The following GLIS3 variants were observed in gnomAD, a reference collection of about 807,000 sequenced individuals.
The protein encoded by GLIS3 is zinc finger protein GLIS3.
Under a neutral mutation model 78.6 loss-of-function variants are expected in GLIS3, and 53 were observed. The observed-to-expected ratio is 0.67, with a 90% confidence interval of 0.54 to 0.85. The LOEUF (loss-of-function observed/expected upper bound fraction) is 0.85. Among genes scored for constraint, GLIS3 ranks in the 40% least tolerant of loss-of-function variants. GLIS3 has a pLI of 0.00. For synonymous variants in GLIS3, 684 were observed against 509.9 expected, an observed-to-expected ratio of 1.34 and a Z score of -4.60; for missense variants, 1,703 against 1,231.1, an observed-to-expected ratio of 1.38 and a Z score of -5.74.
the GLIS3 span, among the ~76,000 whole-genome samples, chr9:4,481,339 C>G: frequency 6.6e-6 from 1 of 152,000 alleles, no homozygotes; most frequent in Non-Finnish European, 1.5e-5. Flanking sequence ...TAAAAATTAG[C>G]CGGGTATGGT....
chr9:4,469,251 T>C, the GLIS3 span, among the ~76,000 whole-genome samples: 251 of 152,048 alleles, frequency 1.7e-3, no homozygotes, highest in Non-Finnish European at 3.2e-3. Flanking sequence ...AACAAGGATA[T>C]CCAGGAATTG....
chr9:4,140,898 A>C lies in GLIS3; in HGVS notation c.389-14957T>G, dbSNP rs1046411781. Among the ~76,000 whole-genome samples the C allele has an allele frequency of 4.6e-5, 7 of 151,666 alleles. No individual in the cohort carries two copies. In the East Asian group the frequency reaches 9.7e-4, roughly 21 times the overall value. Reference sequence around the variant, plus strand: ...ACTGCAACCTCCGCCTCCTGGGTTCAAGCGATTCTCCTGCCTCAGCCTCCT... The same window carrying C: ...ACTGCAACCTCCGCCTCCTGGGTTCCAGCGATTCTCCTGCCTCAGCCTCCT... On this transcript the variant is annotated intron_variant, in intron 2 of 10. Transcript: ENST00000381971.
At chr9:4,083,596 G>C (rs1437586020) in intron 4 of GLIS3, among the ~76,000 whole-genome samples, 2 of 152,142 alleles carry the variant, frequency 1.3e-5, no homozygotes, top group African/African-American at 4.8e-5. Context: ...GAACTTTTTA[G>C]TTAAAATCGG....
At chr9:3,840,080 C>G (rs1012695322) in intron 9 of GLIS3, among the ~76,000 whole-genome samples, 3 of 152,052 alleles carry the variant, frequency 2.0e-5, no homozygotes, top group African/African-American at 7.2e-5. Context: ...GCGTCATTTT[C>G]TTTGAAATTT....
intron 6 of GLIS3, among the ~76,000 whole-genome samples, chr9:3,902,139 G>A (rs1823351659): frequency 6.6e-6 from 1 of 152,212 alleles, no homozygotes; most frequent in South Asian, 2.1e-4. Context: ...CCAACAGTGT[G>A]AGTCCATACA....
the GLIS3 span, among the ~76,000 whole-genome samples, chr9:4,386,158 G>A: frequency 6.6e-6 from 1 of 152,156 alleles, no homozygotes; most frequent in East Asian, 1.9e-4. Flanking sequence ...AAAAACAAGA[G>A]AGAGAGAATA....
chr9:4,089,848 A>C (rs1034240044), intron 4 of GLIS3, among the ~76,000 whole-genome samples: 6 of 152,198 alleles, frequency 3.9e-5, no homozygotes, highest in Admixed American at 3.3e-4. Flanking sequence ...AAAAAATTGA[A>C]TTCTCAGGTG....
rs1414753735 is a variant in GLIS3 at position 3,879,552 on chromosome 9, A to C, written c.2172T>G (p.Ala724=). ...GATGTGGGGGTGGTACGGCCCCAGCAGCTGTTCCACTTCGGCTTGAATAAT... is the reference window on the plus strand; with the variant it reads ...GATGTGGGGGTGGTACGGCCCCAGCCGCTGTTCCACTTCGGCTTGAATAAT... The part of the protein sequence containing the change: ...SSNYSSRSGT[A]AGAVPPPHPV... The change falls in exon 8 of 11, where the codon GCT becomes GCG. Residue 724 remains alanine, a synonymous_variant. Coordinates refer to ENST00000381971, the MANE Select transcript of GLIS3 (RefSeq NM_001042413.2). The C allele has an allele frequency of 1.9e-6, 3 of 1,614,136 alleles. No individual in the cohort carries two copies. Among genetic ancestry groups the C allele is most frequent in the Non-Finnish European group, 2.5e-6 (3 of 1,180,016 alleles).
Position 4,118,314 on chromosome 9 carries a change from C to T in GLIS3, c.1164G>A (p.Gly388=), listed in dbSNP as rs1586723209. The T allele has an allele frequency of 1.9e-6, 3 of 1,573,404 alleles. No individual in the cohort carries two copies. The highest frequency in any genetic ancestry group is 2.6e-6 in the Non-Finnish European group (3 of 1,162,160). The change falls in exon 4 of 11, where the codon GGG becomes GGA. Residue 388 remains glycine (G), a synonymous_variant. Transcript: ENST00000381971. The surrounding 1 kb of genome is among the most constrained non-coding windows in gnomAD (Gnocchi z 4.7). ...GLALPAYGED[G]ALEHERMQQL... Reference sequence around the variant, plus strand: ...GTTGCATGCGCTCGTGCTCCAGGGCCCCGTCCTCGCCGTAGGCCGGCAGCG... The same window carrying T: ...GTTGCATGCGCTCGTGCTCCAGGGCTCCGTCCTCGCCGTAGGCCGGCAGCG...
chr9:4,042,257 C>T (rs1329190793), intron 4 of GLIS3, among the ~76,000 whole-genome samples: 3 of 152,076 alleles, frequency 2.0e-5, no homozygotes, highest in Non-Finnish European at 4.4e-5. Flanking sequence ...AGCCTTGATT[C>T]TTCATTTGCA....
At chr9:4,367,633 C>CCAA in the GLIS3 span, among the ~76,000 whole-genome samples, 1 of 62,014 alleles carries the variant, frequency 1.6e-5, no homozygotes, top group Non-Finnish European at 3.1e-5. Flanking sequence ...GACTCCATCT[C>CCAA]AAAAAAAAAA....
At chr9:4,388,474 C>A in the GLIS3 span, among the ~76,000 whole-genome samples, 3 of 151,728 alleles carry the variant, frequency 2.0e-5, no homozygotes, top group Non-Finnish European at 2.9e-5. Flanking sequence ...GTCAGGAGTT[C>A]GAGAGCATCC....
chr9:4,004,442 C>A (rs557641308), intron 4 of GLIS3, among the ~76,000 whole-genome samples: 1 of 152,064 alleles, frequency 6.6e-6, no homozygotes, highest in Admixed American at 6.6e-5. Flanking sequence ...GGCTGGGGAA[C>A]GAGTTAACAG....
At chr9:4,216,386 TGGCGTGAGCTTGCAGTGAGAAA>T (rs1401211587) in intron 2 of GLIS3, among the ~76,000 whole-genome samples, 2 of 149,692 alleles carry the variant, frequency 1.3e-5, no homozygotes, top group African/African-American at 4.9e-5. Context: ...GGCAGGAGAA[TGGCGTGAGCTTGCAGTGAGAAA>T]GGCGGAGCTT....
intron 2 of GLIS3, among the ~76,000 whole-genome samples, chr9:4,168,522 AAAGC>A (rs1371498474): frequency 6.6e-6 from 1 of 152,214 alleles, no homozygotes; most frequent in Non-Finnish European, 1.5e-5. Context: ...AATTGTGATA[AAAGC>A]AAGTGGTTTA....
At chr9:4,438,225 C>A in the GLIS3 span, among the ~76,000 whole-genome samples, 1 of 152,160 alleles carries the variant, frequency 6.6e-6, no homozygotes, top group South Asian at 2.1e-4. Context: ...AATAATGAGG[C>A]TAAAGTAATG....
At chr9:4,397,024 CTT>C in the GLIS3 span, among the ~76,000 whole-genome samples, 21 of 121,208 alleles carry the variant, frequency 1.7e-4, no homozygotes, top group South Asian at 2.7e-4. Flanking sequence ...TTCTTTTTTT[CTT>C]TTTTTTTTTT....
intron 2 of GLIS3, among the ~76,000 whole-genome samples, chr9:4,337,856 G>C (rs1240188110): frequency 6.6e-6 from 1 of 151,754 alleles, no homozygotes; most frequent in East Asian, 1.9e-4. Context: ...AACTCTATGA[G>C]GCAACTATTA....
rs141001820 is a variant in GLIS3 at position 4,329,703 on chromosome 9, G to A, written n.264+17378C>T. On this transcript the variant is annotated intron_variant and non_coding_transcript_variant, in intron 2 of 4. Transcript: ENST00000471664. ...TAGTCTGCCCACCCACCTGATATGC[G>A]AACCTCCTCCAGCATATCCGTGCCA... 1.9e-3 allele frequency among the ~76,000 whole-genome samples: 286 copies of A among 152,086 alleles called. 1 individual carries two copies. The highest frequency in any genetic ancestry group is 6.6e-3 in the African/African-American group (272 of 41,462).
Sources: allele counts gnomAD v4.1 joint callset (sites outside exome capture counted in the v4.1 genomes callset), GRCh38; gene constraint gnomAD v4.1.1; non-coding constraint Gnocchi (gnomAD v3.1); transcripts MANE v1.5; gene names NCBI Gene and HGNC (gene_info 2026-07-23, HGNC 2026-07-21).